Variants in TCOF1 observed in about 807,000 individuals in gnomAD.
The protein encoded by TCOF1 is treacle ribosome biogenesis factor 1.
Under a neutral mutation model 149.0 loss-of-function variants are expected in TCOF1, and 33 were observed. The observed-to-expected ratio is 0.22, with a 90% CI of 0.17 to 0.30. The LOEUF (loss-of-function observed/expected upper bound fraction) is 0.30, where lower values mean the gene tolerates loss of function less well. TCOF1 is among the 10% of genes least tolerant of loss of function. The pLI, the probability that TCOF1 is intolerant of heterozygous loss-of-function variation, is 1.00. For synonymous variants in TCOF1, 789 were observed against 738.8 expected (o/e 1.07, Z -1.10); for missense variants, 1,728 against 1,840.7 (o/e 0.94, Z 1.12).
rs1271292145 is a variant in TCOF1 at position 150,375,849 on chromosome 5, CGAGGAGTCATCGGACAGTGCGGACAGT to C, written c.1840_1866del (p.Ser614_Glu622del). On this transcript the variant is annotated inframe_deletion, in exon 12 of 27. Transcript: ENST00000643257. ...AGCCCATGGACAACTCGGAGAGCAGCGAGGAGTCATCGGACAGTGCGGACAGTGAGGAGGCACCAGCAGCCATGACTG... is the reference window on the plus strand; with the variant it reads ...AGCCCATGGACAACTCGGAGAGCAGCGAGGAGGCACCAGCAGCCATGACTG... The C allele has an allele frequency of 6.2e-7, 1 of 1,614,040 alleles. No individual in the cohort carries two copies. The highest frequency in any genetic ancestry group is 8.5e-7 in the Non-Finnish European group (1 of 1,180,030).
Position 150,364,454 on chromosome 5 carries a change from C to T in TCOF1, c.304+202C>T, listed in dbSNP as rs7703914. Among the ~76,000 whole-genome samples the T allele has an allele frequency of 0.06, 9,059 of 152,228 alleles. 293 individuals are homozygous for T. The highest frequency in any genetic ancestry group is 0.076 in the Non-Finnish European group (5,168 of 68,006). On this transcript the variant is annotated intron_variant, in intron 3 of 26. Transcript: ENST00000643257. The stretch of plus-strand genomic sequence containing the variant: ...TCTCCATGCTCTGGGGGTGCAAGGC[C>T]GAACCAAAACAACCAGATGGGCCCT...
In TCOF1 at chr5:150,367,889, T is replaced by G; in HGVS notation, c.350T>G (p.Leu117Trp). Residue 117 changes from leucine (L) to tryptophan (W), a missense_variant, in exon 4 of 27, where the codon TTG (leucine) becomes TGG (tryptophan). Leu to Trp is a moderately conservative substitution (Grantham distance 61). Coordinates refer to ENST00000643257, the MANE Select transcript of TCOF1 (RefSeq NM_001371623.1). ...STNSSVLGAD[L>W]PSSMKEKAKA... ...AACTCCTCAGTCCTGGGGGCGGACT[T>G]GCCATCAAGCATGAAAGAAAAAGCC... 1 of 1,614,156 alleles carries G rather than the reference T, an allele frequency of 6.2e-7. No individual in the cohort carries two copies. Among genetic ancestry groups the G allele is most frequent in the South Asian group, 1.1e-5 (1 of 91,082 alleles).
intron 23 of TCOF1, 74 bp from the exon 24 acceptor site, chr5:150,396,208 T>G: frequency 6.5e-7 from 1 of 1,549,250 alleles, no homozygotes; most frequent in Non-Finnish European, 8.9e-7. Flanking sequence ...CCCTGCACCC[T>G]CTTCGCTCTT....
rs540602882 is a variant in TCOF1 at position 150,361,308 on chromosome 5, C to T, written c.164+97C>T. The T allele has an allele frequency of 9.2e-6, 13 of 1,418,096 alleles. No homozygotes were observed. The African/African-American group carries it at 1.8e-4, about 20-fold the overall frequency. 87.8% of individuals were successfully genotyped at this position (1,418,096 alleles called of 1,614,324 possible). A position where few individuals can be genotyped will look rare whatever the true frequency, so the allele number is the denominator to read the frequency against. On this transcript the variant is annotated intron_variant, in intron 2 of 26. Transcript: ENST00000643257. ...TACCTATCTGGTCTAAGATCTGTCC[C>T]CATAGCCCACTGTGGACACCATTGT...
Position 150,379,694 on chromosome 5 carries a change from A to G in TCOF1, c.2821A>G (p.Ser941Gly). 6.2e-7 allele frequency: 1 copy of G among 1,614,208 alleles called. No individual in the cohort carries two copies. The change falls in exon 17 of 27, where the codon AGT (serine) becomes GGT (glycine). Residue 941 changes from serine (S) to glycine (G), a missense_variant. Ser to Gly is a moderately conservative substitution (Grantham distance 56). Around this residue, in one of 2 missense-constraint regions of TCOF1, gnomAD observed 1,696 missense variants for 1,765.4 expected, o/e 0.96. Transcript: ENST00000643257. ...AGGGAGCAGCAGCGAGGAATCAGAC[A>G]GTGATGGGGAGGCACCGGCAGCTGT... The part of the protein sequence containing the change: ...DSGSSSEESD[S>G]DGEAPAAVTS...
chr5:150,382,634 A>G (rs1765461085), intron 17 of TCOF1, among the ~76,000 whole-genome samples: 1 of 152,114 alleles, frequency 6.6e-6, no homozygotes, highest in Non-Finnish European at 1.5e-5. Context: ...CACCTGCCCC[A>G]ACAGGAGGGG....
rs1185609728 is a variant in TCOF1 at position 150,398,930 on chromosome 5, T to C, written c.4444-92T>C. On this transcript the variant is annotated intron_variant, in intron 25 of 26. Coordinates refer to ENST00000643257, the MANE Select transcript of TCOF1 (RefSeq NM_001371623.1). Reference sequence around the variant, plus strand: ...GTCGCTGCAGACCCAGTATCTATTCTAGGGGAATTCACTAGTCCTCAGGAG... The same window carrying C: ...GTCGCTGCAGACCCAGTATCTATTCCAGGGGAATTCACTAGTCCTCAGGAG... 3 of 1,581,076 alleles carry C rather than the reference T, an allele frequency of 1.9e-6. No homozygotes were observed. The East Asian group carries it at 6.7e-5, about 35-fold the overall frequency.
At chr5:150,380,405 CAG>C (rs1764884714) in intron 17 of TCOF1, 1 of 154,868 alleles carries the variant, frequency 6.5e-6, no homozygotes, top group African/African-American at 2.4e-5. Context: ...CTCTCCCTGT[CAG>C]AGTCCCAGGG....
chr5:150,376,498 G>T lies in TCOF1; in HGVS notation c.2218G>T (p.Ala740Ser). ...CAAGGGGTCCTTGGGGCAAGGGACT[G>T]CTCCAGTACTCCCTGGGAAGACGGG... Reference protein sequence around the residue: ...PVKGSLGQGTAPVLPGKTGPT... With the variant: ...PVKGSLGQGTSPVLPGKTGPT... Residue 740 changes from alanine to serine, a missense_variant, in exon 14 of 27, where the codon GCT becomes TCT. Transcript: ENST00000643257. 1 of 1,613,970 alleles carries T rather than the reference G, an allele frequency of 6.2e-7. No homozygotes were observed. Among genetic ancestry groups the T allele is most frequent in the Non-Finnish European group, 8.5e-7 (1 of 1,179,904 alleles).
At chr5:150,384,228 C>T (rs1387945628) in intron 17 of TCOF1, 1 of 995,900 alleles carries the variant, frequency 1.0e-6, no homozygotes, top group African/African-American at 1.7e-5. Flanking sequence ...GCACAGATTA[C>T]AAAAGTAAAG....
chr5:150,364,088 A>G (rs373774150), intron 2 of TCOF1, 25 bp from the exon 3 acceptor site: 77 of 1,613,892 alleles, frequency 4.8e-5, no homozygotes, highest in Non-Finnish European at 6.5e-5. Flanking sequence ...CCCAGTTGGT[A>G]TAGACAGTCA....
chr5:150,368,872 G>T lies in TCOF1; in HGVS notation c.535G>T (p.Val179Phe), dbSNP rs373269393. ...CTCAGAAACTGAGGAGGAGGGCAGC[G>T]TCCCGGCCTTTGGAGCTGCTGCCAA... is the stretch of plus-strand genomic sequence containing the variant. ...LVSETEEEGS[V>F]PAFGAAAKPG... The change falls in exon 5 of 27, where the codon GTC becomes TTC. Residue 179 changes from valine to phenylalanine, a missense_variant. Transcript: ENST00000643257. 2.5e-6 allele frequency: 4 copies of T among 1,613,838 alleles called. No homozygotes were observed. The highest frequency in any genetic ancestry group is 1.1e-5 in the South Asian group (1 of 91,086).
intron 19 of TCOF1, 44 bp from the exon 20 acceptor site, chr5:150,391,500 C>T: frequency 6.5e-7 from 1 of 1,541,568 alleles, no homozygotes; most frequent in Non-Finnish European, 9.0e-7. Context: ...CAGCTGGCAT[C>T]CCAAGGACTT....
At chr5:150,359,849 G>T (rs1386732052) in intron 1 of TCOF1, among the ~76,000 whole-genome samples, 2 of 152,228 alleles carry the variant, frequency 1.3e-5, no homozygotes, top group Non-Finnish European at 2.9e-5. Context: ...AGGCAGGCAA[G>T]GGGGATAAGG....
At chr5:150,376,364 C>T (rs375403104) in intron 13 of TCOF1, 34 bp downstream of exon 13, 1 of 1,614,096 alleles carries the variant, frequency 6.2e-7, no homozygotes, top group Non-Finnish European at 8.5e-7. Context: ...GGCCTCAGGG[C>T]CGCCCCTACG....
At chr5:150,392,915 A>G in intron 22 of TCOF1, 125 bp downstream of exon 22, 7 of 1,195,934 alleles carry the variant, frequency 5.9e-6, no homozygotes, top group Non-Finnish European at 8.4e-6. Flanking sequence ...GCCTTGGGCA[A>G]GGTCCTGTCT....
chr5:150,379,436 C>T, intron 16 of TCOF1, 28 bp downstream of exon 16: 1 of 1,613,978 alleles, frequency 6.2e-7, no homozygotes, highest in South Asian at 1.1e-5. Context: ...GAGATCATCC[C>T]CTACATGGGA....
rs377242075 is a variant in TCOF1 at position 150,379,393 on chromosome 5, G to A, written c.2643G>A (p.Ala881=). The A allele has an allele frequency of 1.9e-5, 31 of 1,613,474 alleles. No homozygotes were observed. Among genetic ancestry groups the A allele is most frequent in the Middle Eastern group, 1.6e-4 (1 of 6,076 alleles). The change falls in exon 16 of 27, where the codon GCG becomes GCA. Residue 881 remains alanine (A), a synonymous_variant. Transcript: ENST00000643257. The part of the protein sequence containing the change: ...SEEESDSEEE[A]ETLAQVKPSG... Reference sequence around the variant, plus strand: ...AGGAGTCAGACAGTGAGGAGGAGGCGGAGACGCTGGCTCAGGTGAGGGGGA... The same window carrying A: ...AGGAGTCAGACAGTGAGGAGGAGGCAGAGACGCTGGCTCAGGTGAGGGGGA...
rs773806617 is a variant in TCOF1 at position 150,371,989 on chromosome 5, C to G, written c.640-17C>G. On this transcript the variant is annotated splice_polypyrimidine_tract_variant and intron_variant, in intron 6 of 26. Transcript: ENST00000643257. The stretch of plus-strand genomic sequence containing the variant: ...AGTAATTATTATTCATTTTCTAATT[C>G]CATCCTCTTGTTCCAGGGGAAACCC... 1 of 1,603,620 alleles carries G rather than the reference C, an allele frequency of 6.2e-7. No individual in the cohort carries two copies. The highest frequency in any genetic ancestry group is 8.5e-7 in the Non-Finnish European group (1 of 1,170,618).
Sources: gnomAD v4.1 joint callset for allele counts (sites outside exome capture counted in the v4.1 genomes callset) on GRCh38, gnomAD v4.1.1 for gene constraint, gnomAD v4.1.1 regional missense constraint, MANE v1.5 for transcripts, NCBI Gene and HGNC (gene_info 2026-07-23, HGNC 2026-07-21) for gene names.